Variants in PDGFC observed in about 807,000 individuals in gnomAD.
PDGFC encodes platelet derived growth factor C, also known as platelet-derived growth factor C.
Under a neutral mutation model 35.5 loss-of-function variants are expected in PDGFC, and 12 were observed. The observed-to-expected ratio is 0.34, with a 90% confidence interval of 0.22 to 0.55. PDGFC has a LOEUF of 0.55. PDGFC is among the 20% of genes least tolerant of loss of function. The pLI, the probability that PDGFC is intolerant of heterozygous loss-of-function variation, is 0.91. For synonymous variants in PDGFC, 159 were observed against 148.8 expected (o/e 1.07, Z -0.50); for missense variants, 322 against 412.4 (o/e 0.78, Z 1.90).
At chr4:156,793,979 C>CCTTAGTAGCAG (rs1309433595) in intron 3 of PDGFC, among the ~76,000 whole-genome samples, 3 of 152,132 alleles carry the variant, frequency 2.0e-5, no homozygotes, top group Non-Finnish European at 2.9e-5. Flanking sequence ...TGAGGAGCTA[C>CCTTAGTAGCAG]TAATACCTTA....
At chr4:156,833,899 T>C (rs1488983955) in intron 2 of PDGFC, among the ~76,000 whole-genome samples, 1 of 152,176 alleles carries the variant, frequency 6.6e-6, no homozygotes, top group Non-Finnish European at 1.5e-5. Flanking sequence ...TGGCAAATAG[T>C]AGGAATCAAC....
At position 156,811,021 on chromosome 4, in the gene PDGFC, CA is replaced by C; in HGVS notation, c.315-5del. ...CTCAACTTCTACAAAATCATACCTG[CA>C]AAAAGACAAAGGGAAAGAGACATCA... On this transcript the variant is annotated splice_polypyrimidine_tract_variant and splice_region_variant and intron_variant, in intron 2 of 5. Transcript: ENST00000502773. 1.9e-6 allele frequency: 3 copies of C among 1,545,722 alleles called. No individual in the cohort carries two copies. Among genetic ancestry groups the C allele is most frequent in the South Asian group, 2.4e-5 (2 of 82,582 alleles).
intron 1 of PDGFC, among the ~76,000 whole-genome samples, chr4:156,888,211 T>A (rs959370470): frequency 1.3e-5 from 2 of 152,088 alleles, no homozygotes; most frequent in Admixed American, 6.6e-5. Context: ...GCCCTATTGC[T>A]CCAGTTATAA....
rs540548250 is a variant in PDGFC, at chr4:156,872,243, C to T, written c.119-21827G>A. ...ATGTATGTGTGTATGTGTACATAAG[C>T]CCAATTTCAAACAATATGGCAAAGA... is the stretch of plus-strand genomic sequence containing the variant. On this transcript the variant is annotated intron_variant, in intron 1 of 5. Coordinates refer to ENST00000502773, the MANE Select transcript of PDGFC (RefSeq NM_016205.3). 7.9e-5 allele frequency among the ~76,000 whole-genome samples: 12 copies of T among 152,110 alleles called. No individual in the cohort carries two copies. The East Asian group carries it at 2.3e-3, about 29-fold the overall frequency.
chr4:156,867,980 C>T lies in PDGFC; in HGVS notation c.119-17564G>A, dbSNP rs1023536786. Among the ~76,000 whole-genome samples, 16 of 152,032 alleles carry T rather than the reference C, an allele frequency of 1.1e-4. No individual in the cohort carries two copies. In the South Asian group the frequency reaches 1.7e-3, roughly 16 times the overall value. ...GCAACCTCCACTTCTTGGGTTCAAG[C>T]GATTCTTGTGCCTCAGCCTCCCCAG... On this transcript the variant is annotated intron_variant, in intron 1 of 5. Coordinates refer to ENST00000502773, the MANE Select transcript of PDGFC (RefSeq NM_016205.3).
Position 156,850,366 on chromosome 4 carries a change from T to G in PDGFC, c.169A>C (p.Ser57Arg), listed in dbSNP as rs771283512. The change falls in exon 2 of 6, where the codon AGT becomes CGT. Residue 57 changes from serine to arginine, a missense_variant. Physicochemically the swap from Ser to Arg is moderately radical, Grantham distance 110. This residue lies in a region of PDGFC where 120 missense variants were observed against 116.6 expected (regional missense o/e 1.03). Coordinates refer to ENST00000502773, the MANE Select transcript of PDGFC (RefSeq NM_016205.3). ...TGAGGAAACCTTGGGCTGTGAATAC[T>G]TCCATTAGTAGACACAGTAATAATT... Reference protein sequence around the residue: ...ERIITVSTNGSIHSPRFPHTY... With the variant: ...ERIITVSTNGRIHSPRFPHTY... 8 of 1,607,832 alleles carry G rather than the reference T, an allele frequency of 5.0e-6. No homozygotes were observed. Among genetic ancestry groups the G allele is most frequent in the African/African-American group, 1.3e-5 (1 of 74,772 alleles).
intron 1 of PDGFC, among the ~76,000 whole-genome samples, chr4:156,857,483 A>G (rs17826732): frequency 0.049 from 7,466 of 152,210 alleles, 204 homozygotes; most frequent in Middle Eastern, 0.085. Context: ...TTTAAAAAAC[A>G]CTTTGAAGTT....
chr4:156,834,459 C>T (rs752743359), intron 2 of PDGFC, among the ~76,000 whole-genome samples: 1 of 152,058 alleles, frequency 6.6e-6, no homozygotes, highest in Non-Finnish European at 1.5e-5. Context: ...TAAATTATGA[C>T]TGGTTCCATT....
At chr4:156,835,125 AT>A (rs1236199805) in intron 2 of PDGFC, among the ~76,000 whole-genome samples, 1 of 152,206 alleles carries the variant, frequency 6.6e-6, no homozygotes, top group Non-Finnish European at 1.5e-5. Flanking sequence ...CAGAAAATTG[AT>A]TTTCTTAAAC....
At chr4:156,825,870 C>CTT (rs539377092) in intron 2 of PDGFC, among the ~76,000 whole-genome samples, 3 of 125,690 alleles carry the variant, frequency 2.4e-5, no homozygotes, top group Non-Finnish European at 1.6e-5. Flanking sequence ...ATGCAATTTT[C>CTT]TTTTTTTTTT....
At chr4:156,960,052 A>G (rs560348494) in intron 1 of PDGFC, among the ~76,000 whole-genome samples, 122 of 152,004 alleles carry the variant, frequency 8.0e-4, no homozygotes, top group Non-Finnish European at 1.6e-3. Flanking sequence ...AAGAAAACAC[A>G]GATTAAAAAC....
intron 2 of PDGFC, among the ~76,000 whole-genome samples, chr4:156,838,476 A>T (rs1489385929): frequency 6.6e-6 from 1 of 152,176 alleles, no homozygotes; most frequent in African/African-American, 2.4e-5. Context: ...AGATCATTTA[A>T]GTGCTAAATA....
intron 1 of PDGFC, among the ~76,000 whole-genome samples, chr4:156,963,234 G>A (rs537774090): frequency 9.9e-5 from 15 of 152,160 alleles, no homozygotes; most frequent in African/African-American, 3.1e-4. Context: ...TTGGGAGGCC[G>A]AGGTGGAAGG....
intron 1 of PDGFC, among the ~76,000 whole-genome samples, chr4:156,886,026 G>A (rs1018260626): frequency 6.6e-6 from 1 of 152,110 alleles, no homozygotes; most frequent in African/African-American, 2.4e-5. Flanking sequence ...CACAGCTCCT[G>A]CAGTGAAAAT....
At chr4:156,897,788 A>G (rs1730670731) in intron 1 of PDGFC, among the ~76,000 whole-genome samples, 1 of 152,206 alleles carries the variant, frequency 6.6e-6, no homozygotes, top group South Asian at 2.1e-4. Context: ...AATAAAACAC[A>G]TAAAAAGTTA....
intron 1 of PDGFC, among the ~76,000 whole-genome samples, chr4:156,946,290 C>A: frequency 6.6e-6 from 1 of 151,442 alleles, no homozygotes. Context: ...CAGAATGAGG[C>A]AAAAATAATA....
chr4:156,810,966 G>A lies in PDGFC; in HGVS notation c.366C>T (p.Arg122=). ...CTGGTACAGTACCAGAACCACACCA[G>A]CGCCCTAATATAGTTCCATCACTGG... ...EEPSDGTILG[R]WCGSGTVPGK... Residue 122 remains arginine (R), a synonymous_variant, in exon 3 of 6, where the codon CGC becomes CGT. Transcript: ENST00000502773. 6.2e-7 allele frequency: 1 copy of A among 1,607,336 alleles called. No individual in the cohort carries two copies. The highest frequency in any genetic ancestry group is 8.5e-7 in the Non-Finnish European group (1 of 1,175,422).
In PDGFC at chr4:156,942,795, A is replaced by T. The variant is rs528478142; in HGVS notation, c.118+27991T>A. Reference sequence around the variant, plus strand: ...CAATATATAATTATGTATAATTGCAATATTGTGATTAGAGAGCAATCAAAT... The same window carrying T: ...CAATATATAATTATGTATAATTGCATTATTGTGATTAGAGAGCAATCAAAT... On this transcript the variant is annotated intron_variant, in intron 1 of 5. Transcript: ENST00000502773. 7.9e-5 allele frequency among the ~76,000 whole-genome samples: 12 copies of T among 151,196 alleles called. No individual in the cohort carries two copies. In the East Asian group the frequency reaches 2.3e-3, roughly 29 times the overall value.
At position 156,840,127 on chromosome 4, in the gene PDGFC, C is replaced by T. The variant is rs141252253; in HGVS notation, c.314+10094G>A. ...TGCATAAGTAACAAGGAGCCAAATG[C>T]TAATCACCAAGACAATGGGAAAAAT... On this transcript the variant is annotated intron_variant, in intron 2 of 5. Transcript: ENST00000502773. 3.1e-4 allele frequency among the ~76,000 whole-genome samples: 47 copies of T among 152,310 alleles called. No homozygotes were observed. The East Asian group carries it at 6.6e-3, about 21-fold the overall frequency.
Sources: gnomAD v4.1 joint callset for allele counts (sites outside exome capture counted in the v4.1 genomes callset) on GRCh38, gnomAD v4.1.1 for gene constraint, gnomAD v4.1.1 regional missense constraint, MANE v1.5 for transcripts, NCBI Gene and HGNC (gene_info 2026-07-23, HGNC 2026-07-21) for gene names.